Variants in ALPL observed in about 807,000 individuals in gnomAD.
The protein encoded by ALPL is alkaline phosphatase, tissue-nonspecific isozyme.
ALPL carries 42 observed loss-of-function variants against 51.3 expected under a neutral mutation model. That is an observed-to-expected ratio of 0.82 (90% CI 0.64 to 1.06). The LOEUF is 1.06. Ranked by LOEUF, ALPL falls within the 50% of genes least tolerant of loss-of-function variation. The pLI, the probability that ALPL is intolerant of heterozygous loss-of-function variation, is 0.00. For missense variants in ALPL, 589 were observed against 709.4 expected (o/e 0.83, Z 1.93); for synonymous variants, 279 against 296.4 (o/e 0.94, Z 0.60).
chr1:21,575,680 G>A (rs1644717779), intron 9 of ALPL, 53 bp from the exon 10 acceptor site: 1 of 1,603,448 alleles, frequency 6.2e-7, no homozygotes, highest in Non-Finnish European at 8.5e-7. Context: ...GGGCTGGGGA[G>A]CAGATCTTCC....
At chr1:21,517,044 A>G (rs1409669017) in intron 1 of ALPL, among the ~76,000 whole-genome samples, 1 of 152,204 alleles carries the variant, frequency 6.6e-6, no homozygotes, top group Non-Finnish European at 1.5e-5. Context: ...CACGAGGCCT[A>G]TTTCATAATA....
At chr1:21,577,256 T>C (rs1215006271) in intron 11 of ALPL, 127 bp from the exon 12 acceptor site, 18 of 1,479,458 alleles carry the variant, frequency 1.2e-5, no homozygotes, top group Admixed American at 1.7e-5. Flanking sequence ...CTTTCCCACA[T>C]TGAGCCTCCT....
At chr1:21,513,951 C>T (rs975094834) in intron 1 of ALPL, among the ~76,000 whole-genome samples, 1 of 152,202 alleles carries the variant, frequency 6.6e-6, no homozygotes, top group Non-Finnish European at 1.5e-5. Context: ...ACCTACCTAC[C>T]TTCTGAGCTT....
In ALPL at chr1:21,577,549, C is replaced by T. The variant is rs774516408; in HGVS notation, c.1476C>T (p.Ala492=). 23 of 1,605,162 alleles carry T rather than the reference C, an allele frequency of 1.4e-5. No individual in the cohort carries two copies. Among genetic ancestry groups the T allele is most frequent in the Non-Finnish European group, 1.9e-5 (22 of 1,179,852 alleles). Residue 492 remains alanine (A), a synonymous_variant, in exon 12 of 12, where the codon GCC becomes GCT. Coordinates refer to ENST00000374840, the MANE Select transcript of ALPL (RefSeq NM_000478.6). ...HVMAYAACIG[A]NLGHCAPASS... is the part of the protein sequence containing the mutation. ...TGGCGTATGCAGCCTGCATCGGGGC[C>T]AACCTCGGCCACTGTGCTCCTGCCA... is the stretch of plus-strand genomic sequence containing the variant.
At chr1:21,519,330 G>A (rs1643859183) in intron 1 of ALPL, among the ~76,000 whole-genome samples, 1 of 152,208 alleles carries the variant, frequency 6.6e-6, no homozygotes, top group Non-Finnish European at 1.5e-5. Context: ...TCCACCGCAG[G>A]CTCAGTGCGG....
chr1:21,512,398 G>T (rs1216417626), intron 1 of ALPL, among the ~76,000 whole-genome samples: 1 of 152,154 alleles, frequency 6.6e-6, no homozygotes, highest in East Asian at 1.9e-4. Flanking sequence ...ATCATAAATG[G>T]TTTTCCAACT....
intron 1 of ALPL, among the ~76,000 whole-genome samples, chr1:21,536,891 C>CT (rs10534586): frequency 0.017 from 1,379 of 79,336 alleles, 54 homozygotes; most frequent in African/African-American, 0.061. Context: ...GGTTCCTTCC[C>CT]TTTTTTTTTT....
chr1:21,542,950 G>A (rs908073689), intron 1 of ALPL, among the ~76,000 whole-genome samples: 1 of 151,972 alleles, frequency 6.6e-6, no homozygotes, highest in Non-Finnish European at 1.5e-5. Flanking sequence ...CCAGGAGTTC[G>A]AGACTAGCCT....
intron 9 of ALPL, among the ~76,000 whole-genome samples, 182 bp from the exon 10 acceptor site, chr1:21,575,551 T>TC: frequency 6.6e-6 from 1 of 152,242 alleles, no homozygotes; most frequent in African/African-American, 2.4e-5. Context: ...CTCTCTGGCC[T>TC]CCGTCAGGTT....
At chr1:21,516,039 C>G (rs1186717640) in intron 1 of ALPL, among the ~76,000 whole-genome samples, 1 of 152,094 alleles carries the variant, frequency 6.6e-6, no homozygotes, top group Non-Finnish European at 1.5e-5. Context: ...CCACCACGCC[C>G]CGCTAATTTT....
chr1:21,561,514 C>G (rs908415200), intron 4 of ALPL, among the ~76,000 whole-genome samples: 1 of 152,118 alleles, frequency 6.6e-6, no homozygotes, highest in Non-Finnish European at 1.5e-5. Flanking sequence ...GTTAGCCTCC[C>G]GAGTAGCTGG....
chr1:21,554,079 A>C lies in ALPL; in HGVS notation c.-3A>C, dbSNP rs1570252017. 5.7e-6 allele frequency: 9 copies of C among 1,567,226 alleles called. No individual in the cohort carries two copies. Among genetic ancestry groups the C allele is most frequent in the Non-Finnish European group, 6.9e-6 (8 of 1,152,876 alleles). ...AGGGATAAAGCAGGTCTTGGGGTGC[A>C]CCATGATTTCACCATTCTTAGTACT... is the stretch of plus-strand genomic sequence containing the variant. On this transcript the variant is annotated 5_prime_UTR_variant, in exon 2 of 12. Transcript: ENST00000374840.
At position 21,509,697 on chromosome 1, in the gene ALPL, C is replaced by T. The variant is rs1643643369; in HGVS notation, c.-105+180C>T. On this transcript the variant is annotated intron_variant, in intron 1 of 11. Coordinates refer to ENST00000374840, the MANE Select transcript of ALPL (RefSeq NM_000478.6). This position sits in a 1 kb window ranked among gnomAD's most constrained non-coding sequence, Gnocchi z 6.0. ...GCCCTGCAATTGGTCCTGCCCCTGT[C>T]CTCCCGCGCATCCCAAGCTCCCGGC... Among the ~76,000 whole-genome samples, 1 of 152,184 alleles carries T rather than the reference C, an allele frequency of 6.6e-6. No individual in the cohort carries two copies. Among genetic ancestry groups the T allele is most frequent in the Non-Finnish European group, 1.5e-5 (1 of 68,042 alleles).
At chr1:21,559,186 G>A (rs937478750) in intron 2 of ALPL, among the ~76,000 whole-genome samples, 5 of 152,174 alleles carry the variant, frequency 3.3e-5, no homozygotes, top group African/African-American at 1.2e-4. Context: ...CCCGTTCTGT[G>A]CAGTGGGAGG....
rs945375518 is a variant in ALPL at position 21,509,642 on chromosome 1, C to A, written c.-105+125C>A. 3 of 152,766 alleles carry A rather than the reference C, an allele frequency of 2.0e-5. No individual in the cohort carries two copies. Among genetic ancestry groups the A allele is most frequent in the African/African-American group, 7.2e-5 (3 of 41,464 alleles). 9.5% of individuals were successfully genotyped at this position (152,766 alleles called of 1,614,324 possible). The stretch of plus-strand genomic sequence containing the variant: ...AATGGCAGGGCCGGGGTCTCCAGCG[C>A]CACGCCGCCCACAGCAGCCCATTCG... On this transcript the variant is annotated intron_variant, in intron 1 of 11. Transcript: ENST00000374840. The surrounding 1 kb of genome is among the most constrained non-coding windows in gnomAD (Gnocchi z 6.0).
At chr1:21,570,235 T>C (rs577986360) in intron 7 of ALPL, 70 bp from the exon 8 acceptor site, 7 of 1,487,266 alleles carry the variant, frequency 4.7e-6, no homozygotes, top group African/African-American at 2.8e-5. Context: ...CAGACTCTGA[T>C]AGCTGCTGGG....
chr1:21,569,126 G>A (rs575787901), intron 7 of ALPL, among the ~76,000 whole-genome samples: 8 of 152,250 alleles, frequency 5.3e-5, no homozygotes, highest in Non-Finnish European at 1.0e-4. Flanking sequence ...AAGGGCCCCC[G>A]TGGGGATGGT....
intron 1 of ALPL, among the ~76,000 whole-genome samples, chr1:21,514,068 A>T (rs1328178657): frequency 6.6e-6 from 1 of 152,186 alleles, no homozygotes; most frequent in African/African-American, 2.4e-5. Context: ...GGGTGAGAAT[A>T]TGGGACACGT....
chr1:21,571,054 C>G (rs1000822943), intron 8 of ALPL, among the ~76,000 whole-genome samples: 1 of 152,206 alleles, frequency 6.6e-6, no homozygotes, highest in African/African-American at 2.4e-5. Context: ...CACACAGCCT[C>G]TTGCTTGCCT....
Sources: gnomAD v4.1 joint callset for allele counts (sites outside exome capture counted in the v4.1 genomes callset) on GRCh38, gnomAD v4.1.1 for gene constraint, Gnocchi (gnomAD v3.1) non-coding constraint, MANE v1.5 for transcripts, NCBI Gene and HGNC (gene_info 2026-07-23, HGNC 2026-07-21) for gene names.